Variants in SVEP1 observed in about 807,000 individuals in gnomAD.
SVEP1 encodes sushi, von Willebrand factor type A, EGF and pentraxin domain containing 1, also known as sushi, von Willebrand factor type A, EGF and pentraxin domain-containing protein 1.
Under a neutral mutation model 367.3 loss-of-function variants are expected in SVEP1, and 164 were observed. The observed-to-expected ratio is 0.45, with a 90% confidence interval of 0.39 to 0.51. SVEP1 has a LOEUF of 0.51. Ranked by LOEUF, SVEP1 falls within the 20% of genes least tolerant of loss-of-function variation. The probability of loss-of-function intolerance (pLI) is 0.00; values close to 1 mark genes in which losing one functional copy is unlikely to be tolerated. For synonymous variants in SVEP1, 1,666 were observed against 1,611.6 expected, an observed-to-expected ratio of 1.03 and a Z score of -0.81; for missense variants, 4,117 against 4,425.3, an observed-to-expected ratio of 0.93 and a Z score of 1.98.
At position 110,510,164 on chromosome 9, in the gene SVEP1, G is replaced by T. The variant is rs922637204; in HGVS notation, c.1303+2762C>A. 3.3e-5 allele frequency among the ~76,000 whole-genome samples: 5 copies of T among 152,308 alleles called. No homozygotes were observed. The South Asian group carries it at 1.0e-3, about 32-fold the overall frequency. ...GTGGTGGCCCCATGTTCATTGCAAG[G>T]TTCTTGGCTGCAGAGCCACAGGGGC... On this transcript the variant is annotated intron_variant, in intron 5 of 47. Transcript: ENST00000374469.
chr9:110,480,364 A>G (rs1291019434), intron 12 of SVEP1, among the ~76,000 whole-genome samples: 2 of 152,098 alleles, frequency 1.3e-5, no homozygotes, highest in Non-Finnish European at 2.9e-5. Flanking sequence ...TTGGGGGGAA[A>G]ATAGCTCTGT....
intron 43 of SVEP1, among the ~76,000 whole-genome samples, chr9:110,382,983 C>T (rs1827461298): frequency 6.6e-6 from 1 of 152,136 alleles, no homozygotes; most frequent in African/African-American, 2.4e-5. Context: ...TTCTTGGCGT[C>T]TTTGCATTGG....
chr9:110,506,747 G>A (rs1340961288), intron 5 of SVEP1, among the ~76,000 whole-genome samples: 2 of 152,102 alleles, frequency 1.3e-5, no homozygotes, highest in Non-Finnish European at 2.9e-5. Context: ...TCCAAGCAGG[G>A]GAAGGAGGGA....
intron 23 of SVEP1, 88 bp downstream of exon 23, chr9:110,451,201 T>C: frequency 1.9e-6 from 2 of 1,071,488 alleles, no homozygotes; most frequent in South Asian, 1.6e-5. Flanking sequence ...ATCCAAAAAT[T>C]CACATTAATA....
chr9:110,516,477 A>T (rs1253943852), intron 3 of SVEP1, among the ~76,000 whole-genome samples: 1 of 151,980 alleles, frequency 6.6e-6, no homozygotes, highest in African/African-American at 2.4e-5. Context: ...GCATAAAGGA[A>T]ACACTACTTT....
rs962101794 is a variant in SVEP1 at position 110,563,178 on chromosome 9, T to C, written c.532-13074A>G. On this transcript the variant is annotated intron_variant, in intron 1 of 47. Transcript: ENST00000374469. ...ATTTCTAAAATTCAATTGTGGTATA[T>C]CTACATGAAAAAATATACTTGAAAG... Among the ~76,000 whole-genome samples the C allele has an allele frequency of 8.5e-5, 13 of 152,146 alleles. No homozygotes were observed. In the East Asian group the frequency reaches 9.6e-4, roughly 11 times the overall value.
chr9:110,368,905 T>C lies in SVEP1; in HGVS notation c.10694+1018A>G, dbSNP rs535347119. On this transcript the variant is annotated intron_variant, in intron 47 of 47. Coordinates refer to ENST00000374469, the MANE Select transcript of SVEP1 (RefSeq NM_153366.4). ...TTTTTTGTTGTTGTTAGGTTTTACT[T>C]TAATTGCTTTTTTATATTTGCAAGT... 2.8e-4 allele frequency among the ~76,000 whole-genome samples: 43 copies of C among 152,338 alleles called. 3 individuals carry two copies. In the South Asian group the frequency reaches 8.9e-3, roughly 32 times the overall value.
chr9:110,473,411 C>T (rs1213859775), intron 14 of SVEP1, among the ~76,000 whole-genome samples: 2 of 151,924 alleles, frequency 1.3e-5, no homozygotes, highest in Non-Finnish European at 2.9e-5. Flanking sequence ...TATAAATATA[C>T]ACACAGATAT....
In SVEP1 at chr9:110,387,162, G is replaced by A; in HGVS notation, c.10060+123C>T. On this transcript the variant is annotated intron_variant, in intron 42 of 47. Transcript: ENST00000374469. ...ATCCCAGAGAATTCAGCTTGGATAG[G>A]CATTAATTGCTTTCTCTGGGCCCAT... is the stretch of plus-strand genomic sequence containing the variant. 3.4e-6 allele frequency: 3 copies of A among 888,054 alleles called. No homozygotes were observed. In the South Asian group the frequency reaches 9.0e-5, roughly 27 times the overall value. The allele number at this position is 888,054 out of a possible 1,614,324, so 55.0% of individuals were successfully genotyped here.
intron 45 of SVEP1, chr9:110,376,796 A>G (rs1177423714): frequency 6.6e-6 from 1 of 152,394 alleles, no homozygotes; most frequent in Non-Finnish European, 1.5e-5. Context: ...TTTACCAAGT[A>G]TGGATATAGG....
intron 9 of SVEP1, among the ~76,000 whole-genome samples, chr9:110,486,219 T>C (rs1265848093): frequency 6.6e-6 from 1 of 152,274 alleles, no homozygotes; most frequent in East Asian, 1.9e-4. Context: ...CAGTATTTAC[T>C]ATTTTGCCAA....
In SVEP1 at chr9:110,407,129, T is replaced by C; in HGVS notation, c.8471A>G (p.Asp2824Gly). Residue 2824 changes from aspartate to glycine, a missense_variant, in exon 38 of 48, where the codon GAT becomes GGT. Asp to Gly is a moderately conservative substitution (Grantham distance 94, BLOSUM62 -1). Transcript: ENST00000374469. ...TCQDDKNWDE[D>G]EPICIPVDCS... is the part of the protein sequence containing the mutation. Reference sequence around the variant, plus strand: ...GTCCACAGGAATGCAAATGGGCTCATCCTCATCCCAGTTTTTGTCATCCTG... The same window carrying C: ...GTCCACAGGAATGCAAATGGGCTCACCCTCATCCCAGTTTTTGTCATCCTG... The C allele has an allele frequency of 3.1e-6, 5 of 1,614,024 alleles. No homozygotes were observed. The highest frequency in any genetic ancestry group is 4.2e-6 in the Non-Finnish European group (5 of 1,179,892).
chr9:110,536,009 G>C (rs564842661), intron 3 of SVEP1, among the ~76,000 whole-genome samples: 1 of 152,186 alleles, frequency 6.6e-6, no homozygotes, highest in South Asian at 2.1e-4. Context: ...ATGTTTAATA[G>C]GAGTGGTGAG....
chr9:110,386,050 A>C lies in SVEP1; in HGVS notation c.10085T>G (p.Val3362Gly), dbSNP rs1827517116. The change falls in exon 43 of 48, where the codon GTG becomes GGG. Residue 3362 changes from valine to glycine, a missense_variant. Val to Gly is a moderately radical substitution (Grantham distance 109). Coordinates refer to ENST00000374469, the MANE Select transcript of SVEP1 (RefSeq NM_153366.4). ...AGACAGCAGAGCATTCTCGGGAATC[A>C]CAAAAGGAACAGGGCATGGATTTGC... The part of the protein sequence containing the change: ...CKPNPCPVPF[V>G]IPENALLSEK... The C allele has an allele frequency of 6.2e-6, 10 of 1,613,688 alleles. No homozygotes were observed. Among genetic ancestry groups the C allele is most frequent in the Non-Finnish European group, 8.5e-6 (10 of 1,179,740 alleles).
At chr9:110,532,314 C>A (rs1226827396) in intron 3 of SVEP1, among the ~76,000 whole-genome samples, 7 of 151,924 alleles carry the variant, frequency 4.6e-5, no homozygotes, top group African/African-American at 1.7e-4. Flanking sequence ...TATTTATGAC[C>A]CTCAAATTTC....
Position 110,569,096 on chromosome 9 carries a change from AAAAT to A in SVEP1, c.531+9913_531+9916del, listed in dbSNP as rs1830524959. On this transcript the variant is annotated intron_variant, in intron 1 of 47. Coordinates refer to ENST00000374469, the MANE Select transcript of SVEP1 (RefSeq NM_153366.4). ...AGACAGAGTGAGACCCTGTCTCAAAAAAATAAATAAATAAAAATTAAATTAAATT... is the reference window on the plus strand; with the variant it reads ...AGACAGAGTGAGACCCTGTCTCAAAAAAATAAATAAAAATTAAATTAAATT... 2.6e-5 allele frequency among the ~76,000 whole-genome samples: 4 copies of A among 152,218 alleles called. No homozygotes were observed. The South Asian group carries it at 8.3e-4, about 32-fold the overall frequency.
At chr9:110,546,068 T>C in intron 3 of SVEP1, 47 bp downstream of exon 3, 2 of 1,541,540 alleles carry the variant, frequency 1.3e-6, no homozygotes, top group Non-Finnish European at 1.8e-6. Flanking sequence ...TTAGAATCAT[T>C]TGTTACACAG....
intron 47 of SVEP1, among the ~76,000 whole-genome samples, chr9:110,367,759 T>C (rs931632017): frequency 4.6e-5 from 7 of 152,132 alleles, no homozygotes; most frequent in African/African-American, 1.7e-4. Flanking sequence ...CCGGATACTG[T>C]ATGGTGACAT....
chr9:110,481,059 A>G (rs918925868), intron 12 of SVEP1, among the ~76,000 whole-genome samples, 183 bp downstream of exon 12: 3 of 152,198 alleles, frequency 2.0e-5, no homozygotes, highest in African/African-American at 4.8e-5. Context: ...ACAATCTATA[A>G]TAAGACTTTA....
Sources: gnomAD v4.1 joint callset for allele counts (sites outside exome capture counted in the v4.1 genomes callset) on GRCh38, gnomAD v4.1.1 for gene constraint, MANE v1.5 for transcripts, NCBI Gene and HGNC (gene_info 2026-07-23, HGNC 2026-07-21) for gene names.